Variants in DGKI observed in about 807,000 individuals in gnomAD.
DGKI encodes DAG kinase iota.
Under a neutral mutation model 147.5 loss-of-function variants are expected in DGKI, and 55 were observed. The observed-to-expected ratio is 0.37, with a 90% CI of 0.30 to 0.47. The LOEUF is 0.47. Ranked by LOEUF, DGKI falls within the 20% of genes least tolerant of loss-of-function variation. The pLI is 1.00. For synonymous variants in DGKI, 469 were observed against 477.1 expected, an observed-to-expected ratio of 0.98 and a Z score of 0.22; for missense variants, 1,007 against 1,323.8, an observed-to-expected ratio of 0.76 and a Z score of 3.71.
At position 137,481,261 on chromosome 7, in the gene DGKI, C is replaced by T. The variant is rs117232304; in HGVS notation, c.2373+4113G>A. Among the ~76,000 whole-genome samples, 969 of 152,188 alleles carry T rather than the reference C, an allele frequency of 6.4e-3. 11 individuals are homozygous for T. The highest frequency in any genetic ancestry group is 8.6e-3 in the Non-Finnish European group (582 of 67,982). Reference sequence around the variant, plus strand: ...GGAAATCACTAGAATGGCACATCTGCCTCTATTCCTTAGTACCTTTGTGAT... The same window carrying T: ...GGAAATCACTAGAATGGCACATCTGTCTCTATTCCTTAGTACCTTTGTGAT... On this transcript the variant is annotated intron_variant, in intron 23 of 32. Transcript: ENST00000614521.
intron 5 of DGKI, among the ~76,000 whole-genome samples, chr7:137,645,768 T>G (rs542465032): frequency 4.0e-4 from 61 of 152,336 alleles, no homozygotes; most frequent in Non-Finnish European, 8.2e-4. Context: ...AGATTCATTT[T>G]TTAATGTGGT....
intron 6 of DGKI, among the ~76,000 whole-genome samples, chr7:137,637,834 T>C (rs1017435814): frequency 8.5e-5 from 13 of 152,210 alleles, no homozygotes; most frequent in Admixed American, 8.5e-4. Context: ...TTCCTTGAAA[T>C]CATATTTCAT....
intron 3 of DGKI, among the ~76,000 whole-genome samples, chr7:137,672,682 G>A (rs938204916): frequency 2.0e-5 from 3 of 151,882 alleles, no homozygotes; most frequent in Non-Finnish European, 4.4e-5. Flanking sequence ...GATCCTCGGA[G>A]GGCCTTGGCT....
intron 7 of DGKI, among the ~76,000 whole-genome samples, chr7:137,621,020 G>A (rs1820730665): frequency 1.3e-5 from 2 of 152,066 alleles, no homozygotes; most frequent in Admixed American, 6.6e-5. Flanking sequence ...AATTAGGACC[G>A]TCTCCAAAAA....
chr7:137,720,291 T>G (rs1794507642), intron 1 of DGKI, among the ~76,000 whole-genome samples: 2 of 128,734 alleles, frequency 1.6e-5, no homozygotes, highest in Non-Finnish European at 3.2e-5. Context: ...AGAGTCTCGC[T>G]CTTTCGCCCA....
intron 18 of DGKI, among the ~76,000 whole-genome samples, chr7:137,572,044 T>C (rs191511547): frequency 2.0e-5 from 3 of 152,368 alleles, no homozygotes; most frequent in African/African-American, 7.2e-5. Flanking sequence ...GACTATGATG[T>C]GTTTTCCTAG....
chr7:137,748,017 A>G (rs1302695257), intron 1 of DGKI, among the ~76,000 whole-genome samples: 1 of 152,230 alleles, frequency 6.6e-6, no homozygotes, highest in African/African-American at 2.4e-5. Context: ...CACTTGCCCA[A>G]GGTCACATAA....
intron 27 of DGKI, among the ~76,000 whole-genome samples, chr7:137,459,995 G>A (rs547473673): frequency 2.0e-5 from 3 of 152,106 alleles, no homozygotes; most frequent in South Asian, 2.1e-4. Flanking sequence ...GCAGTGTCTC[G>A]AAAACTCTGA....
intron 1 of DGKI, among the ~76,000 whole-genome samples, chr7:137,803,944 GA>G (rs1797287643): frequency 6.6e-6 from 1 of 152,196 alleles, no homozygotes; most frequent in African/African-American, 2.4e-5. Context: ...TTCATTTTCT[GA>G]AAATATAAGC....
chr7:137,492,034 C>G (rs558337424), intron 21 of DGKI, among the ~76,000 whole-genome samples: 1 of 152,320 alleles, frequency 6.6e-6, no homozygotes, highest in Admixed American at 6.5e-5. Flanking sequence ...TGGGACATAT[C>G]TAGGACATCG....
Position 137,690,008 on chromosome 7 carries a change from G to C in DGKI, c.402-6C>G. The C allele has an allele frequency of 6.3e-7, 1 of 1,586,052 alleles. No homozygotes were observed. The highest frequency in any genetic ancestry group is 8.6e-7 in the Non-Finnish European group (1 of 1,169,264). On this transcript the variant is annotated splice_region_variant and splice_polypyrimidine_tract_variant and intron_variant, in intron 1 of 32. Transcript: ENST00000614521. Reference sequence around the variant, plus strand: ...CTGCCCGGGAGATTGCTTTCCTGCAGCAAGAAGAAAAACAAAAACAAAAAC... The same window carrying C: ...CTGCCCGGGAGATTGCTTTCCTGCACCAAGAAGAAAAACAAAAACAAAAAC...
At chr7:137,406,712 C>A (rs1290595123) in intron 30 of DGKI, among the ~76,000 whole-genome samples, 1 of 152,132 alleles carries the variant, frequency 6.6e-6, no homozygotes, top group Admixed American at 6.5e-5. Flanking sequence ...CTATCTGTGG[C>A]TTTACCATAG....
Position 137,469,638 on chromosome 7 carries a change from A to G in DGKI, c.2374-19T>C, listed in dbSNP as rs1402553354. 1 of 1,610,770 alleles carries G rather than the reference A, an allele frequency of 6.2e-7. No individual in the cohort carries two copies. The highest frequency in any genetic ancestry group is 1.7e-5 in the Admixed American group (1 of 59,884). On this transcript the variant is annotated intron_variant, in intron 23 of 32. Coordinates refer to ENST00000614521, the MANE Select transcript of DGKI (RefSeq NM_001321708.2). ...CATGGTCCTGGAAAGAGACACACAC[A>G]CTCTAGTGGCTGCATTTCAATAACC...
intron 5 of DGKI, among the ~76,000 whole-genome samples, chr7:137,653,902 A>G (rs1428688343): frequency 6.6e-6 from 1 of 152,200 alleles, no homozygotes; most frequent in Non-Finnish European, 1.5e-5. Context: ...TTCTAGGAGG[A>G]CAGGTTCTGT....
chr7:137,609,378 A>T (rs574369795), intron 9 of DGKI, among the ~76,000 whole-genome samples, 157 bp downstream of exon 9: 4 of 152,204 alleles, frequency 2.6e-5, no homozygotes, highest in Non-Finnish European at 5.9e-5. Flanking sequence ...GTTTTTTTAA[A>T]AGAACAGAAA....
intron 8 of DGKI, among the ~76,000 whole-genome samples, chr7:137,612,855 G>A (rs192678457): frequency 6.6e-6 from 1 of 152,248 alleles, no homozygotes; most frequent in East Asian, 1.9e-4. Context: ...ACAGTGAAAT[G>A]CTGTATGTAC....
chr7:137,418,445 G>A (rs1812440513), intron 28 of DGKI, among the ~76,000 whole-genome samples: 1 of 152,138 alleles, frequency 6.6e-6, no homozygotes, highest in African/African-American at 2.4e-5. Flanking sequence ...CTTCTGAAGG[G>A]ATGGCTTAAG....
At chr7:137,697,444 G>A (rs1393569262) in intron 1 of DGKI, among the ~76,000 whole-genome samples, 2 of 152,140 alleles carry the variant, frequency 1.3e-5, no homozygotes, top group Non-Finnish European at 1.5e-5. Flanking sequence ...CAAATGCAAA[G>A]TCAAAGTATA....
rs980869246 is a variant in DGKI at position 137,594,396 on chromosome 7, C to A, written c.1311+3451G>T. Among the ~76,000 whole-genome samples the A allele has an allele frequency of 2.0e-4, 31 of 152,024 alleles. 1 individual carries two copies. The highest frequency in any genetic ancestry group is 4.1e-4 in the Non-Finnish European group (28 of 68,012). ...ACAATTAAAGTAGCTAATATTGAAG[C>A]CTAAGAACTTTTTTCCAAAGTAATG... On this transcript the variant is annotated intron_variant, in intron 12 of 32. Transcript: ENST00000614521.
Sources: gnomAD v4.1 joint callset for allele counts (sites outside exome capture counted in the v4.1 genomes callset) on GRCh38, gnomAD v4.1.1 for gene constraint, MANE v1.5 for transcripts, NCBI Gene and HGNC (gene_info 2026-07-23, HGNC 2026-07-21) for gene names.